Variants in C4orf50 observed in about 807,000 individuals in gnomAD.
C4orf50 encodes chromosome 4 open reading frame 50.
A neutral mutation model predicts 77.2 loss-of-function variants in C4orf50; 80 were observed. The ratio of observed to expected loss-of-function variants is 1.04; its 90% CI spans 0.87 to 1.25. The LOEUF (loss-of-function observed/expected upper bound fraction) is 1.25, where lower values mean the gene tolerates loss of function less well. C4orf50 is among the 50% of genes most tolerant of loss of function. C4orf50 has a pLI of 0.00. For missense variants in C4orf50, 1,257 were observed against 1,152.9 expected (o/e 1.09, Z -1.31); for synonymous variants, 532 against 465.3 (o/e 1.14, Z -1.84).
intron 7 of C4orf50, among the ~76,000 whole-genome samples, chr4:5,935,975 A>G (rs1017286157): frequency 6.6e-6 from 1 of 152,110 alleles, no homozygotes; most frequent in Non-Finnish European, 1.5e-5. Flanking sequence ...GGTAATGTCT[A>G]ACTAACTTGG....
intron 29 of C4orf50, among the ~76,000 whole-genome samples, chr4:5,977,975 A>G (rs1720377662): frequency 6.6e-6 from 1 of 152,248 alleles, no homozygotes; most frequent in Admixed American, 6.5e-5. Context: ...CTCAACAAAA[A>G]GAGAGTCAAT....
At chr4:5,949,741 C>T (rs1201723829) in intron 7 of C4orf50, among the ~76,000 whole-genome samples, 1 of 152,152 alleles carries the variant, frequency 6.6e-6, no homozygotes, top group African/African-American at 2.4e-5. Flanking sequence ...AATCCCAGCA[C>T]TGTGGGAAGC....
At chr4:5,982,122 A>G (rs1276927891) in intron 28 of C4orf50, among the ~76,000 whole-genome samples, 3 of 152,134 alleles carry the variant, frequency 2.0e-5, no homozygotes, top group African/African-American at 7.2e-5. Flanking sequence ...TTAAGAACAG[A>G]TGGGTGCTCT....
intron 7 of C4orf50, among the ~76,000 whole-genome samples, chr4:5,945,632 A>G (rs1718447732): frequency 6.6e-6 from 1 of 152,178 alleles, no homozygotes; most frequent in African/African-American, 2.4e-5. Context: ...CCAAAGGGTG[A>G]GGCCTGCCCA....
At chr4:5,973,523 G>T (rs1009257942) in intron 31 of C4orf50, 136 bp downstream of exon 9, 4 of 743,140 alleles carry the variant, frequency 5.4e-6, no homozygotes, top group Admixed American at 2.3e-5. Flanking sequence ...GAAAAGCCAG[G>T]GGGTGTCTTC....
At chr4:6,005,615 T>C (rs983672353) in intron 25 of C4orf50, among the ~76,000 whole-genome samples, 2 of 152,212 alleles carry the variant, frequency 1.3e-5, no homozygotes, top group African/African-American at 4.8e-5. Flanking sequence ...CCTGTGATGA[T>C]GTCACTTAAA....
At chr4:5,922,693 C>T (rs987636579) in intron 7 of C4orf50, among the ~76,000 whole-genome samples, 10 of 152,208 alleles carry the variant, frequency 6.6e-5, no homozygotes, top group Admixed American at 2.6e-4. Flanking sequence ...CCCTCCAGCT[C>T]CTGCATCCAT....
intron 7 of C4orf50, among the ~76,000 whole-genome samples, chr4:5,913,003 T>C (rs1451566966): frequency 1.3e-5 from 2 of 152,182 alleles, no homozygotes; most frequent in Non-Finnish European, 2.9e-5. Context: ...GTCATTTCCA[T>C]CTCTAGAAAT....
intron 7 of C4orf50, among the ~76,000 whole-genome samples, chr4:5,933,098 A>G (rs1237995834): frequency 6.6e-6 from 1 of 152,180 alleles, no homozygotes; most frequent in African/African-American, 2.4e-5. Flanking sequence ...TGTCTTGTGC[A>G]TCCTAAGCAA....
At chr4:5,997,091 G>A (rs1164975648) in intron 25 of C4orf50, among the ~76,000 whole-genome samples, 1 of 152,330 alleles carries the variant, frequency 6.6e-6, no homozygotes, top group Non-Finnish European at 1.5e-5. Context: ...GAAATTCAAA[G>A]TGAAAGCAGG....
intron 7 of C4orf50, among the ~76,000 whole-genome samples, chr4:5,930,622 C>T (rs748306876): frequency 2.6e-5 from 4 of 152,224 alleles, no homozygotes; most frequent in African/African-American, 4.8e-5. Context: ...CTGCATAGAG[C>T]GGGCATGAAG....
chr4:5,921,437 A>G (rs1357897010), intron 7 of C4orf50, among the ~76,000 whole-genome samples: 1 of 152,214 alleles, frequency 6.6e-6, no homozygotes, highest in Non-Finnish European at 1.5e-5. Context: ...AGACGGTGGC[A>G]CATGTTATGT....
intron 7 of C4orf50, chr4:5,902,806 C>T (rs1263699730): frequency 6.6e-6 from 1 of 152,184 alleles, no homozygotes; most frequent in East Asian, 1.9e-4. Context: ...TAGAAGGTTC[C>T]ATTTCTCCCA....
rs1166384240 is a variant in C4orf50 at position 5,994,375 on chromosome 4, AT to A, written c.1064del (p.Asn355MetfsTer94). ...CTGGGGCCCTTTGTCTGGGTGCATC[AT>A]TGGACCGCAGGGAGTTCCGCCAGTC... On this transcript the variant is annotated frameshift_variant, in exon 26 of 34. Coordinates refer to ENST00000531445, the Ensembl canonical transcript of C4orf50. LOFTEE classifies it high-confidence loss of function. 5.0e-6 allele frequency: 2 copies of A among 399,188 alleles called. No individual in the cohort carries two copies. The highest frequency in any genetic ancestry group is 4.1e-5 in the African/African-American group (2 of 48,646). 24.7% of individuals were successfully genotyped at this position (399,188 alleles called of 1,614,324 possible).
intron 30 of C4orf50, among the ~76,000 whole-genome samples, chr4:5,975,658 G>A (rs1331977108): frequency 6.6e-6 from 1 of 151,882 alleles, no homozygotes; most frequent in African/African-American, 2.4e-5. Context: ...GACTATAGAC[G>A]CATGCCATCA....
intron 25 of C4orf50, among the ~76,000 whole-genome samples, chr4:6,002,998 C>T (rs1236779953): frequency 6.6e-6 from 1 of 152,228 alleles, no homozygotes; most frequent in Non-Finnish European, 1.5e-5. Context: ...TTCCCCTCAC[C>T]TCCTCTCACA....
At chr4:5,973,101 G>A (rs563492898) in intron 31 of C4orf50, among the ~76,000 whole-genome samples, 11 of 152,344 alleles carry the variant, frequency 7.2e-5, no homozygotes, top group African/African-American at 2.2e-4. Context: ...GCTATGGAGC[G>A]GCTCTGGGCC....
At chr4:5,990,476 G>C (rs557839912) in exon 28 of C4orf50, 8 of 399,772 alleles carry the variant, frequency 2.0e-5, no homozygotes, top group Non-Finnish European at 3.1e-5. Context: ...TCGTGGAAGA[G>C]GGAGGCACCG....
intron 7 of C4orf50, chr4:5,898,774 C>T (rs1408453635): frequency 6.6e-6 from 1 of 152,188 alleles, no homozygotes; most frequent in Non-Finnish European, 1.5e-5. Flanking sequence ...CTCCCTTGTT[C>T]TATCATCACA....
Sources: gnomAD v4.1 joint callset for allele counts (sites outside exome capture counted in the v4.1 genomes callset) on GRCh38, gnomAD v4.1.1 for gene constraint, MANE v1.5 for transcripts, NCBI Gene and HGNC (gene_info 2026-07-23, HGNC 2026-07-21) for gene names.